Variants in SYNDIG1 observed in about 807,000 individuals in gnomAD.
The protein encoded by SYNDIG1 is synapse differentiation-inducing gene protein 1.
A neutral mutation model predicts 19.4 loss-of-function variants in SYNDIG1; 9 were observed. That is an observed-to-expected ratio of 0.46 (90% CI 0.28 to 0.81). The LOEUF (loss-of-function observed/expected upper bound fraction) is 0.81, where lower values mean the gene tolerates loss of function less well. SYNDIG1 is among the 30% of genes least tolerant of loss of function. SYNDIG1 has a pLI of 0.12. For synonymous variants in SYNDIG1, 141 were observed against 145.9 expected (o/e 0.97, Z 0.24); for missense variants, 311 against 343.3 (o/e 0.91, Z 0.74).
chr20:24,488,708 G>A (rs1237168152), intron 1 of SYNDIG1, among the ~76,000 whole-genome samples: 6 of 152,186 alleles, frequency 3.9e-5, no homozygotes, highest in African/African-American at 4.8e-5. Context: ...GCAGGCCCAC[G>A]GTGTCTCATT....
chr20:24,527,437 C>G (rs1368027245), intron 1 of SYNDIG1, among the ~76,000 whole-genome samples: 5 of 152,030 alleles, frequency 3.3e-5, no homozygotes, highest in Non-Finnish European at 7.4e-5. Flanking sequence ...AACAATTGTT[C>G]TATACTTTCT....
At chr20:24,495,443 G>C (rs2056274202) in intron 1 of SYNDIG1, 1 of 152,364 alleles carries the variant, frequency 6.6e-6, no homozygotes, top group African/African-American at 2.4e-5. Context: ...GCTTCATCCA[G>C]TTCCCCGAGC....
rs376681826 is a variant in SYNDIG1, at chr20:24,543,304, G to A, written c.207G>A (p.Pro69=). Residue 69 remains proline (P), a synonymous_variant, in exon 2 of 4, where the codon CCG becomes CCA. Transcript: ENST00000376862. ...PASLDSSRSE[P]MQQLLDPNTL... The stretch of plus-strand genomic sequence containing the variant: ...GCCTGGACAGCAGCAGGAGTGAGCC[G>A]ATGCAGCAGCTGCTGGACCCCAACA... The A allele has an allele frequency of 6.8e-6, 11 of 1,613,428 alleles. No individual in the cohort carries two copies. The highest frequency in any genetic ancestry group is 1.6e-4 in the Middle Eastern group (1 of 6,084).
At chr20:24,630,391 A>G (rs1312040955) in intron 3 of SYNDIG1, among the ~76,000 whole-genome samples, 3 of 152,332 alleles carry the variant, frequency 2.0e-5, no homozygotes, top group South Asian at 2.1e-4. Flanking sequence ...AAACATAAAC[A>G]TGTATTTCCC....
chr20:24,497,331 G>A (rs2056328508), intron 1 of SYNDIG1, among the ~76,000 whole-genome samples: 1 of 152,110 alleles, frequency 6.6e-6, no homozygotes, highest in African/African-American at 2.4e-5. Context: ...CACACGAGTA[G>A]CTGGGACTAC....
chr20:24,492,721 G>A (rs1329313665), intron 1 of SYNDIG1, among the ~76,000 whole-genome samples: 1 of 152,166 alleles, frequency 6.6e-6, no homozygotes, highest in Non-Finnish European at 1.5e-5. Flanking sequence ...CCCAGGGGAG[G>A]GGCCCAGCAC....
intron 1 of SYNDIG1, among the ~76,000 whole-genome samples, chr20:24,506,199 C>G (rs1205818903): frequency 1.3e-5 from 2 of 152,216 alleles, no homozygotes; most frequent in Non-Finnish European, 1.5e-5. Context: ...GAGAACATAC[C>G]CATTGCCCAG....
At chr20:24,534,739 A>G (rs1411614753) in intron 1 of SYNDIG1, among the ~76,000 whole-genome samples, 1 of 152,194 alleles carries the variant, frequency 6.6e-6, no homozygotes, top group Non-Finnish European at 1.5e-5. Context: ...CCCCGCACTC[A>G]ACACACTACA....
intron 1 of SYNDIG1, among the ~76,000 whole-genome samples, chr20:24,503,117 C>T (rs2056496046): frequency 6.6e-6 from 1 of 152,192 alleles, no homozygotes; most frequent in Non-Finnish European, 1.5e-5. Context: ...GCTTGGGAAG[C>T]AGACTGTGCC....
At chr20:24,576,774 T>G (rs2058234867) in intron 2 of SYNDIG1, among the ~76,000 whole-genome samples, 1 of 151,788 alleles carries the variant, frequency 6.6e-6, no homozygotes, top group Non-Finnish European at 1.5e-5. Flanking sequence ...TGGCCCCCTG[T>G]CTCCTCCTCC....
intron 3 of SYNDIG1, among the ~76,000 whole-genome samples, chr20:24,609,894 TCCCCATTAC>T (rs2058819854): frequency 6.6e-6 from 1 of 152,048 alleles, no homozygotes; most frequent in Non-Finnish European, 1.5e-5. Context: ...CCCCAAGGCT[TCCCCATTAC>T]CCCCATTCTG....
chr20:24,471,893 T>A (rs1316177064), intron 1 of SYNDIG1, among the ~76,000 whole-genome samples: 2 of 152,210 alleles, frequency 1.3e-5, no homozygotes, highest in Non-Finnish European at 2.9e-5. Context: ...TATCACAGCA[T>A]CATTTTGTAC....
At chr20:24,635,673 G>A (rs561113219) in intron 3 of SYNDIG1, among the ~76,000 whole-genome samples, 108 of 152,242 alleles carry the variant, frequency 7.1e-4, no homozygotes, top group African/African-American at 2.4e-3. Flanking sequence ...CACAAAACAC[G>A]TAGTTTTGTA....
At chr20:24,471,111 G>A (rs1267177170) in intron 1 of SYNDIG1, among the ~76,000 whole-genome samples, 1 of 152,256 alleles carries the variant, frequency 6.6e-6, no homozygotes, top group African/African-American at 2.4e-5. Flanking sequence ...GAAGGAGGTG[G>A]TGTGTGTGCT....
At chr20:24,551,569 G>T (rs2057707114) in intron 2 of SYNDIG1, among the ~76,000 whole-genome samples, 2 of 150,236 alleles carry the variant, frequency 1.3e-5, no homozygotes, top group Non-Finnish European at 3.0e-5. Context: ...TTTTTTTTAG[G>T]CGTGAGCTGG....
At chr20:24,659,094 C>T (rs758555437) in intron 3 of SYNDIG1, among the ~76,000 whole-genome samples, 7 of 152,146 alleles carry the variant, frequency 4.6e-5, no homozygotes, top group Admixed American at 3.9e-4. Flanking sequence ...TACTGCTGAG[C>T]GTGGCATACT....
At chr20:24,475,447 G>T (rs1278115064) in intron 1 of SYNDIG1, among the ~76,000 whole-genome samples, 2 of 152,234 alleles carry the variant, frequency 1.3e-5, no homozygotes, top group East Asian at 3.8e-4. Context: ...TCCCTTATAA[G>T]AAACCTTGTC....
At chr20:24,609,199 T>C (rs1437562079) in intron 3 of SYNDIG1, among the ~76,000 whole-genome samples, 2 of 152,220 alleles carry the variant, frequency 1.3e-5, no homozygotes, top group African/African-American at 4.8e-5. Flanking sequence ...TTTTCTTGCC[T>C]CTTTGCTTAG....
At chr20:24,518,372 G>C (rs1281903468) in intron 1 of SYNDIG1, among the ~76,000 whole-genome samples, 2 of 152,116 alleles carry the variant, frequency 1.3e-5, no homozygotes, top group Non-Finnish European at 2.9e-5. Context: ...TGGAGGAGCT[G>C]TCAGGGCTGG....
Sources: allele counts gnomAD v4.1 joint callset (sites outside exome capture counted in the v4.1 genomes callset), GRCh38; gene constraint gnomAD v4.1.1; transcripts MANE v1.5; gene names NCBI Gene and HGNC (gene_info 2026-07-23, HGNC 2026-07-21).